LSM8: variants seen among roughly 807,000 people sequenced by gnomAD.
LSM8 encodes the protein LSM8 U6 small nuclear RNA associated.
In LSM8, 14 loss-of-function variants were observed where a neutral mutation model predicts 15.0. That is an observed-to-expected ratio of 0.93 (90% CI 0.62 to 1.46). The LOEUF (loss-of-function observed/expected upper bound fraction) is 1.46. LSM8 is among the 40% of genes most tolerant of loss of function. The pLI is 0.00. For synonymous variants in LSM8, 50 were observed against 42.1 expected, an observed-to-expected ratio of 1.19 and a Z score of -0.73; for missense variants, 90 against 115.4, an observed-to-expected ratio of 0.78 and a Z score of 1.01.
chr7:118,184,317 C>T, intron 1 of LSM8, 63 bp downstream of exon 1: 2 of 1,428,038 alleles, frequency 1.4e-6, no homozygotes, highest in East Asian at 6.0e-5. Flanking sequence ...GGTCGGGGAT[C>T]GGTGGGAGGT....
chr7:118,190,201 A>G (rs964680973), intron 3 of LSM8: 3 of 152,200 alleles, frequency 2.0e-5, no homozygotes, highest in African/African-American at 7.2e-5. Flanking sequence ...GTAATCAAAA[A>G]TCAAGAGTTT....
At chr7:118,184,287 C>G (rs954639021) in intron 1 of LSM8, 33 bp downstream of exon 1, 2 of 1,463,818 alleles carry the variant, frequency 1.4e-6, no homozygotes, top group Non-Finnish European at 1.8e-6. Flanking sequence ...GGGCGTGAGC[C>G]GGGGTCGCGG....
At chr7:118,191,694 T>A in intron 3 of LSM8, 1 of 491,118 alleles carries the variant, frequency 2.0e-6, no homozygotes, top group Non-Finnish European at 3.6e-6. Flanking sequence ...CCTGTAATAA[T>A]GTGCCTTCAA....
In LSM8 at chr7:118,196,815, C is replaced by T. The variant is rs571606333; in HGVS notation, c.*4813C>T. 5.9e-4 allele frequency among the ~76,000 whole-genome samples: 89 copies of T among 151,438 alleles called. 1 individual carries two copies. The South Asian group carries it at 0.018, about 30-fold the overall frequency. ...TGCAATCTTGGCTCACTACAACCTC[C>T]GCATCCTGGGTTCAAGCGATTCCCC... On this transcript the variant is annotated 3_prime_UTR_variant, in exon 4 of 4. Transcript: ENST00000249299.
chr7:118,193,721 C>T lies in LSM8; in HGVS notation c.*1719C>T, dbSNP rs1388991726. Among the ~76,000 whole-genome samples the T allele has an allele frequency of 6.6e-6, 1 of 151,822 alleles. No individual in the cohort carries two copies. The highest frequency in any genetic ancestry group is 1.5e-5 in the Non-Finnish European group (1 of 67,908). ...GGCATTTTGAATTGGTAAAGTAATTCCAAAAATTAAATAAGAATACACATT... is the reference window on the plus strand; with the variant it reads ...GGCATTTTGAATTGGTAAAGTAATTTCAAAAATTAAATAAGAATACACATT... On this transcript the variant is annotated 3_prime_UTR_variant, in exon 4 of 4. Coordinates refer to ENST00000249299, the MANE Select transcript of LSM8 (RefSeq NM_016200.5).
In LSM8 at chr7:118,184,387, G is replaced by T. The variant is rs1808847130; in HGVS notation, c.31+133G>T. 1.3e-5 allele frequency: 14 copies of T among 1,100,970 alleles called. 2 individuals carry two copies. The South Asian group carries it at 3.1e-4, about 24-fold the overall frequency. The allele number at this position is 1,100,970 out of a possible 1,614,324, so 68.2% of individuals were successfully genotyped here. ...GGCGAGGAGATGAGGGCCCCGGAAC[G>T]ACCCAGAGTTCGCCGGCGGCGCCTC... On this transcript the variant is annotated intron_variant, in intron 1 of 3. Transcript: ENST00000249299.
intron 1 of LSM8, 107 bp from the exon 2 acceptor site, chr7:118,185,547 T>G (rs1016774477): frequency 5.0e-6 from 5 of 991,702 alleles, no homozygotes; most frequent in Non-Finnish European, 7.9e-6. Context: ...TGTTGAATAC[T>G]TATACCTAGT....
intron 2 of LSM8, among the ~76,000 whole-genome samples, chr7:118,185,930 C>G (rs1808882151): frequency 2.0e-5 from 3 of 152,306 alleles, no homozygotes; most frequent in Admixed American, 1.3e-4. Flanking sequence ...TCAGAGAGCT[C>G]CTAGTCTGTA....
rs1483911357 is a variant in LSM8, at chr7:118,200,995, A to C, written c.*8993A>C. On this transcript the variant is annotated 3_prime_UTR_variant, in exon 4 of 4. Coordinates refer to ENST00000249299, the MANE Select transcript of LSM8 (RefSeq NM_016200.5). Reference sequence around the variant, plus strand: ...TTAAAATCTAATTTGGTAGCAATTGACTTGAAATTTGTGATACTTCAACTT... The same window carrying C: ...TTAAAATCTAATTTGGTAGCAATTGCCTTGAAATTTGTGATACTTCAACTT... Among the ~76,000 whole-genome samples, 1 of 152,100 alleles carries C rather than the reference A, an allele frequency of 6.6e-6. No homozygotes were observed.
rs1166608991 is a variant in LSM8, at chr7:118,192,106, C to T, written c.*104C>T. The T allele has an allele frequency of 1.0e-4, 70 of 666,898 alleles. No homozygotes were observed. Among genetic ancestry groups the T allele is most frequent in the South Asian group, 3.1e-5 (1 of 31,762 alleles). 41.3% of individuals were successfully genotyped at this position (666,898 alleles called of 1,614,324 possible). A position where few individuals can be genotyped will look rare whatever the true frequency, so the allele number is the denominator to read the frequency against. On this transcript the variant is annotated 3_prime_UTR_variant, in exon 4 of 4. Transcript: ENST00000249299. Reference sequence around the variant, plus strand: ...TGAGTGTGTCACTGGATTTTGACTCCTTATTGATTCATTGTAATATGTAAA... The same window carrying T: ...TGAGTGTGTCACTGGATTTTGACTCTTTATTGATTCATTGTAATATGTAAA...
rs1809149206 is a variant in LSM8, at chr7:118,200,201, C to T, written c.*8199C>T. Among the ~76,000 whole-genome samples the T allele has an allele frequency of 6.6e-6, 1 of 152,104 alleles. No homozygotes were observed. Among genetic ancestry groups the T allele is most frequent in the Admixed American group, 6.6e-5 (1 of 15,246 alleles). On this transcript the variant is annotated 3_prime_UTR_variant, in exon 4 of 4. Coordinates refer to ENST00000249299, the MANE Select transcript of LSM8 (RefSeq NM_016200.5). ...AGCATTGTGCAGTAGCCATGAGGGA[C>T]TAGGTATCCAAGTGCACATTATATT...
rs942346289 is a variant in LSM8 at position 118,195,223 on chromosome 7, A to G, written c.*3221A>G. Among the ~76,000 whole-genome samples the G allele has an allele frequency of 1.3e-5, 2 of 152,176 alleles. No individual in the cohort carries two copies. Among genetic ancestry groups the G allele is most frequent in the African/African-American group, 4.8e-5 (2 of 41,452 alleles). ...ACTAAACAGCGAAGGAAAGTGGTGGAATTATTAAAAGACCTAGCACTTACC... is the reference window on the plus strand; with the variant it reads ...ACTAAACAGCGAAGGAAAGTGGTGGGATTATTAAAAGACCTAGCACTTACC... On this transcript the variant is annotated 3_prime_UTR_variant, in exon 4 of 4. Coordinates refer to ENST00000249299, the MANE Select transcript of LSM8 (RefSeq NM_016200.5).
intron 2 of LSM8, among the ~76,000 whole-genome samples, chr7:118,187,765 G>A (rs55971469): frequency 0.027 from 4,042 of 152,176 alleles, 77 homozygotes; most frequent in Non-Finnish European, 0.043. Context: ...TTTGAAATGG[G>A]GCTAATTATA....
At position 118,203,152 on chromosome 7, in the gene LSM8, C is replaced by G. The variant is rs1375152776; in HGVS notation, c.*11150C>G. On this transcript the variant is annotated 3_prime_UTR_variant, in exon 4 of 4. Coordinates refer to ENST00000249299, the MANE Select transcript of LSM8 (RefSeq NM_016200.5). ...AAACATTTAATGAAAGGATTTAACT[C>G]CCAAACTCCAAAGCAAGATGTTCTA... Among the ~76,000 whole-genome samples, 1 of 151,820 alleles carries G rather than the reference C, an allele frequency of 6.6e-6. No individual in the cohort carries two copies. Among genetic ancestry groups the G allele is most frequent in the Non-Finnish European group, 1.5e-5 (1 of 67,880 alleles).
intron 1 of LSM8, chr7:118,184,617 A>G (rs1180068732): frequency 5.3e-6 from 1 of 189,230 alleles, no homozygotes; most frequent in African/African-American, 2.3e-5. Flanking sequence ...AGTTTTGCAA[A>G]TCTTTGTACT....
At position 118,203,741 on chromosome 7, in the gene LSM8, T is replaced by C. The variant is rs7797855; in HGVS notation, c.*11739T>C. ...TATGATTCTATAGTAACAGTTTAGTTGAGAAAATAAATCATAATTTGTGAT... is the reference window on the plus strand; with the variant it reads ...TATGATTCTATAGTAACAGTTTAGTCGAGAAAATAAATCATAATTTGTGAT... On this transcript the variant is annotated 3_prime_UTR_variant, in exon 4 of 4. Transcript: ENST00000249299. 0.77 allele frequency among the ~76,000 whole-genome samples: 117,503 copies of C among 151,646 alleles called. 46,510 individuals are homozygous for C. Among genetic ancestry groups the C allele is most frequent in the African/African-American group, 0.94 (38,907 of 41,480 alleles).
At position 118,199,311 on chromosome 7, in the gene LSM8, CAA is replaced by C. The variant is rs1344535004; in HGVS notation, c.*7311_*7312del. Among the ~76,000 whole-genome samples the C allele has an allele frequency of 1.3e-5, 2 of 152,050 alleles. No homozygotes were observed. The highest frequency in any genetic ancestry group is 6.6e-5 in the Admixed American group (1 of 15,260). On this transcript the variant is annotated 3_prime_UTR_variant, in exon 4 of 4. Transcript: ENST00000249299. ...GAAGAGATGGCCTTCAATACTAGTG[CAA>C]AGTTAATACTTTATTCTTAGAGCAG...
At chr7:118,188,567 G>C in intron 3 of LSM8, 162 bp downstream of exon 3, 1 of 604,120 alleles carries the variant, frequency 1.7e-6, no homozygotes, top group Non-Finnish European at 2.7e-6. Context: ...TGTAAAATAA[G>C]GCATATGTAT....
Position 118,185,675 on chromosome 7 carries a change from C to T in LSM8, c.53C>T (p.Ser18Leu). The part of the protein sequence containing the change: ...YINRTVAVIT[S>L]DGRMIVGTLK... ...TCAGGAACTGTTGCCGTTATTACATCAGATGGGAGAATGATTGTGGTAAGT... is the reference window on the plus strand; with the variant it reads ...TCAGGAACTGTTGCCGTTATTACATTAGATGGGAGAATGATTGTGGTAAGT... The change falls in exon 2 of 4, where the codon TCA becomes TTA. Residue 18 changes from serine to leucine, a missense_variant. Transcript: ENST00000249299. The T allele has an allele frequency of 6.2e-7, 1 of 1,611,402 alleles. No homozygotes were observed. The highest frequency in any genetic ancestry group is 8.5e-7 in the Non-Finnish European group (1 of 1,177,806).
Sources: gnomAD v4.1 joint callset for allele counts (sites outside exome capture counted in the v4.1 genomes callset) on GRCh38, gnomAD v4.1.1 for gene constraint, MANE v1.5 for transcripts, NCBI Gene and HGNC (gene_info 2026-07-23, HGNC 2026-07-21) for gene names.